Variants in CACNA1C observed in about 807,000 individuals in gnomAD.
CACNA1C encodes the protein voltage-dependent L-type calcium channel subunit alpha-1C.
A neutral mutation model predicts 229.0 loss-of-function variants in CACNA1C; 30 were observed. The observed-to-expected ratio is 0.13, with a 90% CI of 0.10 to 0.18. CACNA1C has a LOEUF of 0.18. CACNA1C is among the 10% of genes least tolerant of loss of function. CACNA1C has a pLI of 1.00. For missense variants in CACNA1C, 1,658 were observed against 2,845.0 expected (o/e 0.58, Z 9.49); for synonymous variants, 1,114 against 1,132.5 (o/e 0.98, Z 0.33).
intron 9 of CACNA1C, among the ~76,000 whole-genome samples, chr12:2,519,671 C>G (rs74053495): frequency 6.6e-6 from 1 of 152,132 alleles, no homozygotes; most frequent in African/African-American, 2.4e-5. Flanking sequence ...ACCATGGTGG[C>G]TAGTGGGGCT....
At chr12:2,375,057 G>A (rs2098004232) in intron 3 of CACNA1C, among the ~76,000 whole-genome samples, 1 of 152,216 alleles carries the variant, frequency 6.6e-6, no homozygotes, top group South Asian at 2.1e-4. Flanking sequence ...CCAGTTTTCA[G>A]ATGGGGAACA....
chr12:2,273,665 G>A (rs1361921575), intron 3 of CACNA1C, among the ~76,000 whole-genome samples: 1 of 152,206 alleles, frequency 6.6e-6, no homozygotes, highest in Non-Finnish European at 1.5e-5. Flanking sequence ...GGCAAACAAA[G>A]CTCAGATAGA....
rs546023404 is a variant in CACNA1C, at chr12:2,633,026, T to C, written c.3829-1271T>C. Among the ~76,000 whole-genome samples, 2 of 152,182 alleles carry C rather than the reference T, an allele frequency of 1.3e-5. No homozygotes were observed. Among genetic ancestry groups the C allele is most frequent in the Admixed American group, 6.5e-5 (1 of 15,286 alleles). ...GAGTTGCACTTATTATGGATCTTGT[T>C]TTAACAATTTGGTCCTTCTTTTATT... On this transcript the variant is annotated intron_variant, in intron 29 of 46. Transcript: ENST00000399655. The surrounding 1 kb of genome is among the most constrained non-coding windows in gnomAD (Gnocchi z 5.8).
At chr12:2,503,580 C>T (rs981335307) in intron 7 of CACNA1C, among the ~76,000 whole-genome samples, 3 of 152,200 alleles carry the variant, frequency 2.0e-5, no homozygotes, top group African/African-American at 4.8e-5. Flanking sequence ...GCTTGCCTAT[C>T]TCTGTGGTGT....
Position 1,971,090 on chromosome 12 carries a change from A to G in CACNA1C, c.28A>G (p.Thr10Ala). ...GCTTCGAGCCTTTGTTCAGCCTGGT[A>G]CGCCTGCATACCAGCCGCTTCCCAG... Residue 10 changes from threonine to alanine, a missense_variant, in exon 1 of 47, where the codon ACG becomes GCG. Transcript: ENST00000682462. This position sits in a 1 kb window ranked among gnomAD's most constrained non-coding sequence, Gnocchi z 4.2. 7.8e-7 allele frequency: 1 copy of G among 1,289,578 alleles called. No homozygotes were observed. Among genetic ancestry groups the G allele is most frequent in the Non-Finnish European group, 1.0e-6 (1 of 988,680 alleles). 79.9% of individuals were successfully genotyped at this position (1,289,578 alleles called of 1,614,324 possible). A position where few individuals can be genotyped will look rare whatever the true frequency, so the allele number is the denominator to read the frequency against.
intron 18 of CACNA1C, among the ~76,000 whole-genome samples, chr12:2,590,682 C>CG (rs763520031): frequency 4.6e-5 from 7 of 152,038 alleles, no homozygotes; most frequent in Non-Finnish European, 8.8e-5. Context: ...GCTTCATAAA[C>CG]GGGGGGGAGC....
intron 10 of CACNA1C, among the ~76,000 whole-genome samples, chr12:2,556,026 G>A (rs1179024648): frequency 6.6e-6 from 1 of 151,940 alleles, no homozygotes; most frequent in Non-Finnish European, 1.5e-5. Context: ...TCTGAACATT[G>A]TCACCACCTG....
chr12:2,265,914 GTTAT>G (rs763015443), intron 3 of CACNA1C, among the ~76,000 whole-genome samples: 2 of 152,216 alleles, frequency 1.3e-5, no homozygotes, highest in African/African-American at 2.4e-5. Flanking sequence ...AGGATCCTGT[GTTAT>G]TTATCTCAGC....
intron 4 of CACNA1C, among the ~76,000 whole-genome samples, chr12:2,457,315 G>A (rs957745418): frequency 1.3e-5 from 2 of 152,156 alleles, no homozygotes; most frequent in Non-Finnish European, 2.9e-5. Context: ...CCTTTATGAC[G>A]GCAGAGGGCC....
rs1396376102 is a variant in CACNA1C at position 2,143,867 on chromosome 12, A to G, written c.477+23437A>G. Among the ~76,000 whole-genome samples, 4 of 150,646 alleles carry G rather than the reference A, an allele frequency of 2.7e-5. No individual in the cohort carries two copies. In the Admixed American group the frequency reaches 2.7e-4, roughly 10 times the overall value. ...TGATTTTTCTCCCTGCCCCACCCCA[A>G]TGCCCACCCTTTCGATTTGCTATTT... On this transcript the variant is annotated intron_variant, in intron 3 of 46. Coordinates refer to ENST00000399655, the MANE Select transcript of CACNA1C (RefSeq NM_000719.7).
intron 15 of CACNA1C, among the ~76,000 whole-genome samples, chr12:2,583,342 G>C (rs1054963934): frequency 2.8e-4 from 42 of 152,220 alleles, no homozygotes; most frequent in Non-Finnish European, 5.4e-4. Flanking sequence ...TCCTTCAAGT[G>C]ACCTTCAGCT....
intron 1 of CACNA1C, among the ~76,000 whole-genome samples, chr12:2,103,181 A>G (rs2077046128): frequency 6.6e-6 from 1 of 152,186 alleles, no homozygotes; most frequent in Admixed American, 6.5e-5. Flanking sequence ...CAATGGTTGA[A>G]CTAATTTACA....
intron 3 of CACNA1C, among the ~76,000 whole-genome samples, chr12:2,382,190 C>T (rs942943498): frequency 2.0e-5 from 3 of 152,212 alleles, no homozygotes; most frequent in African/African-American, 7.2e-5. Context: ...ACCACAATAG[C>T]ATTAGCAGTT....
chr12:2,572,928 CTCCTCT>C (rs2056861353), intron 13 of CACNA1C, among the ~76,000 whole-genome samples: 1 of 135,172 alleles, frequency 7.4e-6, no homozygotes, highest in Non-Finnish European at 1.6e-5. Context: ...CTTCCTCCTC[CTCCTCT>C]CCTCCTCCTT....
At chr12:2,415,290 C>T (rs998433818) in intron 3 of CACNA1C, among the ~76,000 whole-genome samples, 1 of 152,130 alleles carries the variant, frequency 6.6e-6, no homozygotes, top group Non-Finnish European at 1.5e-5. Context: ...GTAGGCTCAA[C>T]CATTCGCCTG....
In CACNA1C at chr12:2,674,629, G is replaced by A. The variant is rs1378076065; in HGVS notation, c.4815G>A (p.Val1605=). The A allele has an allele frequency of 1.9e-6, 3 of 1,566,176 alleles. No individual in the cohort carries two copies. The highest frequency in any genetic ancestry group is 2.7e-5 in the African/African-American group (2 of 73,786). Reference sequence around the variant, plus strand: ...GCATGAAGCTGCTGGACCAGGTGGTGCCCCCTGCAGGTGGTGAGTGCTCCC... The same window carrying A: ...GCATGAAGCTGCTGGACCAGGTGGTACCCCCTGCAGGTGGTGAGTGCTCCC... ...RTSMKLLDQV[V]PPAGDDEVTV... The change falls in exon 39 of 47, where the codon GTG becomes GTA. Residue 1605 remains valine, a synonymous_variant. Coordinates refer to ENST00000399655, the MANE Select transcript of CACNA1C (RefSeq NM_000719.7).
At chr12:1,998,031 G>A (rs1275704030) in intron 1 of CACNA1C, 3 of 1,477,994 alleles carry the variant, frequency 2.0e-6, no homozygotes, top group Non-Finnish European at 1.8e-6. Context: ...ATTCACAAAG[G>A]TATAAAACAA....
chr12:1,997,937 T>G, intron 1 of CACNA1C: 3 of 1,606,998 alleles, frequency 1.9e-6, no homozygotes, highest in Non-Finnish European at 2.5e-6. Flanking sequence ...ACTCTTACCT[T>G]GTATAAACAA....
intron 3 of CACNA1C, among the ~76,000 whole-genome samples, chr12:2,211,264 CA>C (rs1033114075): frequency 9.2e-5 from 14 of 152,362 alleles, no homozygotes; most frequent in African/African-American, 3.4e-4. Context: ...GGATGCTACC[CA>C]CTTTCTTACA....
Sources: allele counts gnomAD v4.1 joint callset (sites outside exome capture counted in the v4.1 genomes callset), GRCh38; gene constraint gnomAD v4.1.1; non-coding constraint Gnocchi (gnomAD v3.1); transcripts MANE v1.5; gene names NCBI Gene and HGNC (gene_info 2026-07-23, HGNC 2026-07-21).